ZNF347: variants seen among roughly 807,000 people sequenced by gnomAD.
The protein encoded by ZNF347 is CTD-2620I22.7.
In ZNF347, 19 loss-of-function variants were observed where a neutral mutation model predicts 12.9. The observed-to-expected ratio is 1.47, with a 90% confidence interval of 1.03 to 2.16. The LOEUF (loss-of-function observed/expected upper bound fraction) is 2.16, where lower values mean the gene tolerates loss of function less well. Ranked by LOEUF, ZNF347 falls within the 30% of genes most tolerant of loss-of-function variation. The pLI, the probability that ZNF347 is intolerant of heterozygous loss-of-function variation, is 0.00. For synonymous variants in ZNF347, 328 were observed against 340.6 expected (o/e 0.96, Z 0.41); for missense variants, 1,005 against 990.6 (o/e 1.01, Z -0.19).
chr19:53,152,520 T>C (rs558670047), intron 2 of ZNF347, among the ~76,000 whole-genome samples: 7 of 152,076 alleles, frequency 4.6e-5, no homozygotes, highest in African/African-American at 1.4e-4. Flanking sequence ...GGCGAAAGAA[T>C]TGCTTGAATC....
chr19:53,140,789 G>C lies in ZNF347; in HGVS notation c.2039C>G (p.Pro680Arg), dbSNP rs1367482413. ...RHRRVHTGGK[P>R]YQCNECGKAF... ...TTTGCCACATTCATTACACTGGTAA[G>C]GTTTACCTCCAGTATGAACTCTCCG... Residue 680 changes from proline (P) to arginine (R), a missense_variant, in exon 5 of 5, where the codon CCT becomes CGT. Transcript: ENST00000334197. 1.2e-6 allele frequency: 2 copies of C among 1,613,282 alleles called. No homozygotes were observed. The highest frequency in any genetic ancestry group is 1.7e-6 in the Non-Finnish European group (2 of 1,179,624).
rs1333166888 is a variant in ZNF347 at position 53,142,474 on chromosome 19, C to A, written c.354G>T (p.Leu118Phe). ...CAATGTCTTGGCTTTCCTGTCTTTC[C>A]AACATCACTGTTTGGAATACTTCTC... ...NTGEVFQTVMLERQESQDIEG... is the reference protein window; with the variant it reads ...NTGEVFQTVMFERQESQDIEG... Residue 118 changes from leucine (L) to phenylalanine (F), a missense_variant, in exon 5 of 5, where the codon TTG becomes TTT. Coordinates refer to ENST00000334197, the MANE Select transcript of ZNF347 (RefSeq NM_032584.3). 6.2e-7 allele frequency: 1 copy of A among 1,613,902 alleles called. No individual in the cohort carries two copies. Among genetic ancestry groups the A allele is most frequent in the Admixed American group, 1.7e-5 (1 of 60,000 alleles).
intron 1 of ZNF347, among the ~76,000 whole-genome samples, chr19:53,156,047 G>GGGGGGT (rs1555802206): frequency 2.8e-5 from 3 of 108,604 alleles, no homozygotes; most frequent in Admixed American, 2.6e-4. Context: ...TCCCAGCTCG[G>GGGGGGT]GGGGGGGGGG....
In ZNF347 at chr19:53,138,423, C is replaced by T. The variant is rs1340951102; in HGVS notation, c.*1885G>A. On this transcript the variant is annotated 3_prime_UTR_variant, in exon 5 of 5. Coordinates refer to ENST00000334197, the MANE Select transcript of ZNF347 (RefSeq NM_032584.3). The stretch of plus-strand genomic sequence containing the variant: ...TGAACCACCACACCCAGCCCATACA[C>T]TTTCTATATTTGTATTTTCACTTCA... 1 of 152,108 alleles carries T rather than the reference C, an allele frequency of 6.6e-6. No individual in the cohort carries two copies. The highest frequency in any genetic ancestry group is 1.5e-5 in the Non-Finnish European group (1 of 68,022). The allele number at this position is 152,108 out of a possible 1,614,324, so 9.4% of individuals were successfully genotyped here. A position where few individuals can be genotyped will look rare whatever the true frequency, so the allele number is the denominator to read the frequency against.
At chr19:53,146,525 C>G (rs2090464406) in intron 4 of ZNF347, among the ~76,000 whole-genome samples, 1 of 152,106 alleles carries the variant, frequency 6.6e-6, no homozygotes. Context: ...ATTCTCCTTT[C>G]TCAGTCTCCC....
chr19:53,150,624 T>C (rs952031608), intron 2 of ZNF347, among the ~76,000 whole-genome samples: 5 of 152,162 alleles, frequency 3.3e-5, no homozygotes, highest in Admixed American at 2.6e-4. Context: ...GAGATGAAAA[T>C]GTGTACAGTG....
At chr19:53,155,367 C>T (rs1027754444) in intron 1 of ZNF347, among the ~76,000 whole-genome samples, 47 of 151,356 alleles carry the variant, frequency 3.1e-4, no homozygotes, top group Non-Finnish European at 5.9e-4. Context: ...GGGTCTCACT[C>T]TGTTGCCCAG....
intron 4 of ZNF347, among the ~76,000 whole-genome samples, chr19:53,142,999 T>C (rs973533582): frequency 3.3e-5 from 5 of 152,184 alleles, no homozygotes; most frequent in Admixed American, 6.5e-5. Context: ...TGCAAACCAT[T>C]TGTATATTTA....
intron 4 of ZNF347, 64 bp from the exon 5 acceptor site, chr19:53,142,620 C>T (rs536632702): frequency 2.9e-5 from 36 of 1,248,688 alleles, no homozygotes; most frequent in African/African-American, 1.8e-4. Context: ...TATTTTACAC[C>T]GAAAAACAAT....
chr19:53,136,559 C>T lies in ZNF347; in HGVS notation c.*3749G>A, dbSNP rs1285398482. On this transcript the variant is annotated 3_prime_UTR_variant, in exon 5 of 5. Transcript: ENST00000334197. Reference sequence around the variant, plus strand: ...ACCAACCTGGCCAACATAGCGAGACCCCACGTCTAAAAAGAAAAAGAAAAA... The same window carrying T: ...ACCAACCTGGCCAACATAGCGAGACTCCACGTCTAAAAAGAAAAAGAAAAA... The T allele has an allele frequency of 6.7e-6, 1 of 150,186 alleles. No homozygotes were observed. Among genetic ancestry groups the T allele is most frequent in the Non-Finnish European group, 1.5e-5 (1 of 67,620 alleles). The allele number at this position is 150,186 out of a possible 1,614,324, so 9.3% of individuals were successfully genotyped here.
chr19:53,148,593 T>C, intron 4 of ZNF347, 88 bp downstream of exon 4: 2 of 1,326,898 alleles, frequency 1.5e-6, no homozygotes, highest in Middle Eastern at 1.9e-4. Flanking sequence ...AATTCAAACT[T>C]GTTTTCCCAC....
rs377684035 is a variant in ZNF347 at position 53,140,271 on chromosome 19, C to T, written c.*37G>A. ...TTGTCAAAGGAATGAATTCTAACTG[C>T]AAAAGTTACCACCTTCATTTGTAAG... On this transcript the variant is annotated 3_prime_UTR_variant, in exon 5 of 5. Transcript: ENST00000334197. 4 of 1,509,984 alleles carry T rather than the reference C, an allele frequency of 2.6e-6. No individual in the cohort carries two copies. Among genetic ancestry groups the T allele is most frequent in the Middle Eastern group, 1.8e-4 (1 of 5,626 alleles). 93.5% of individuals were successfully genotyped at this position (1,509,984 alleles called of 1,614,324 possible).
intron 1 of ZNF347, among the ~76,000 whole-genome samples, chr19:53,158,209 G>C (rs1179918986): frequency 6.6e-6 from 1 of 152,210 alleles, no homozygotes; most frequent in African/African-American, 2.4e-5. Flanking sequence ...CTCAGGAGAA[G>C]CGGGGACTGC....
At chr19:53,153,410 A>G (rs1360090237) in intron 2 of ZNF347, among the ~76,000 whole-genome samples, 1 of 152,162 alleles carries the variant, frequency 6.6e-6, no homozygotes, top group African/African-American at 2.4e-5. Flanking sequence ...CAGAGAGCTG[A>G]CAGTGCATCC....
chr19:53,145,519 A>T (rs371160513), intron 4 of ZNF347, among the ~76,000 whole-genome samples: 2 of 151,736 alleles, frequency 1.3e-5, no homozygotes, highest in African/African-American at 4.8e-5. Context: ...CAGCCCCCCA[A>T]GTAGCAGAGA....
rs779687594 is a variant in ZNF347, at chr19:53,141,972, C to G, written c.856G>C (p.Glu286Gln). The change falls in exon 5 of 5, where the codon GAG becomes CAG. Residue 286 changes from glutamate (E) to glutamine (Q), a missense_variant. Transcript: ENST00000334197. The part of the protein sequence containing the change: ...LASHQRSHTK[E>Q]KPYKCYECGK... ...CACTCATAACATTTGTAAGGTTTCT[C>G]TTTAGTATGACTTCTCTGATGACTT... 3 of 1,614,064 alleles carry G rather than the reference C, an allele frequency of 1.9e-6. No homozygotes were observed. Among genetic ancestry groups the G allele is most frequent in the Non-Finnish European group, 2.5e-6 (3 of 1,180,004 alleles).
At chr19:53,145,612 CA>C (rs2090458020) in intron 4 of ZNF347, among the ~76,000 whole-genome samples, 5 of 151,850 alleles carry the variant, frequency 3.3e-5, no homozygotes, top group Admixed American at 3.3e-4. Context: ...AGGCAGGTCT[CA>C]AACTCCTGAG....
intron 1 of ZNF347, among the ~76,000 whole-genome samples, chr19:53,158,228 G>A (rs2090548095): frequency 1.3e-5 from 2 of 152,180 alleles, no homozygotes; most frequent in African/African-American, 4.8e-5. Context: ...GCGAAGGGGA[G>A]GCCTGGGGAG....
intron 3 of ZNF347, 160 bp downstream of exon 3, chr19:53,149,081 G>T: frequency 7.0e-7 from 1 of 1,425,332 alleles, no homozygotes; most frequent in Non-Finnish European, 9.4e-7. Flanking sequence ...TCAGGAAGAG[G>T]AAAATTAAAA....
Sources: allele counts gnomAD v4.1 joint callset (sites outside exome capture counted in the v4.1 genomes callset), GRCh38; gene constraint gnomAD v4.1.1; transcripts MANE v1.5; gene names NCBI Gene and HGNC (gene_info 2026-07-23, HGNC 2026-07-21).